CDC16: variants seen among roughly 807,000 people sequenced by gnomAD.
CDC16 encodes cell division cycle 16.
CDC16 carries 34 observed loss-of-function variants against 87.0 expected under a neutral mutation model. The ratio of observed to expected loss-of-function variants is 0.39; its 90% confidence interval spans 0.30 to 0.52. The LOEUF (loss-of-function observed/expected upper bound fraction) is 0.52. Among genes scored for constraint, CDC16 ranks in the 20% least tolerant of loss-of-function variants. The probability of loss-of-function intolerance (pLI) is 0.74; values close to 1 mark genes in which losing one functional copy is unlikely to be tolerated. For missense variants in CDC16, 653 were observed against 751.9 expected (o/e 0.87, Z 1.54); for synonymous variants, 263 against 260.6 (o/e 1.01, Z -0.09).
chr13:114,245,076 A>G, intron 9 of CDC16, 107 bp downstream of exon 9: 1 of 594,644 alleles, frequency 1.7e-6, no homozygotes, highest in Non-Finnish European at 2.9e-6. Context: ...TGCAGGTAAC[A>G]ACATAATGGA....
intron 4 of CDC16, 115 bp downstream of exon 4, chr13:114,239,143 A>T: frequency 6.8e-7 from 1 of 1,480,234 alleles, no homozygotes; most frequent in Non-Finnish European, 9.2e-7. Flanking sequence ...AAAGTATTTC[A>T]TGAGGAAGTG....
At chr13:114,239,078 T>C in intron 4 of CDC16, 50 bp downstream of exon 4, 2 of 1,584,680 alleles carry the variant, frequency 1.3e-6, no homozygotes, top group Non-Finnish European at 1.7e-6. Flanking sequence ...AAATGAGTGT[T>C]ATGCATCTCT....
At chr13:114,243,131 A>G in intron 6 of CDC16, 126 bp from the exon 7 acceptor site, 1 of 587,170 alleles carries the variant, frequency 1.7e-6, no homozygotes. Context: ...GCACATTTTG[A>G]TCTTATGTTC....
At chr13:114,239,565 T>A (rs2081441128) in intron 5 of CDC16, 75 bp downstream of exon 5, 1 of 1,384,986 alleles carries the variant, frequency 7.2e-7, no homozygotes, top group Non-Finnish European at 9.4e-7. Flanking sequence ...ACACATTATC[T>A]TCTTTTACTT....
chr13:114,263,753 C>T lies in CDC16; in HGVS notation c.1512+739C>T, dbSNP rs192545397. ...CTGCTTTCCAACTCTCTCTCTCTCT[C>T]GTCCCTCTCAGTCTGCTAAAGTGTC... On this transcript the variant is annotated intron_variant, in intron 16 of 17. Transcript: ENST00000356221. Among the ~76,000 whole-genome samples, 23 of 152,290 alleles carry T rather than the reference C, an allele frequency of 1.5e-4. No homozygotes were observed. The East Asian group carries it at 3.9e-3, about 26-fold the overall frequency.
intron 17 of CDC16, among the ~76,000 whole-genome samples, chr13:114,267,937 G>C (rs971351349): frequency 1.3e-5 from 2 of 152,188 alleles, no homozygotes; most frequent in Non-Finnish European, 2.9e-5. Flanking sequence ...AGTTACCAAG[G>C]AGCAATTAGG....
chr13:114,248,535 GCTGGACATGGTGGCATGCAC>G (rs780121963), intron 11 of CDC16, among the ~76,000 whole-genome samples: 3 of 152,122 alleles, frequency 2.0e-5, no homozygotes, highest in Non-Finnish European at 2.9e-5. Flanking sequence ...AAAAAAATCA[GCTGGACATGGTGGCATGCAC>G]CTGTAATCCC....
chr13:114,250,211 G>A (rs940039016), intron 11 of CDC16, among the ~76,000 whole-genome samples: 13 of 151,894 alleles, frequency 8.6e-5, no homozygotes, highest in African/African-American at 3.1e-4. Context: ...ATAATAAATA[G>A]GCTGGGCGCA....
chr13:114,244,276 T>G (rs2081725566), intron 8 of CDC16, among the ~76,000 whole-genome samples: 1 of 152,188 alleles, frequency 6.6e-6, no homozygotes, highest in Non-Finnish European at 1.5e-5. Context: ...CATTGTTTTG[T>G]AAAATTTATT....
intron 11 of CDC16, among the ~76,000 whole-genome samples, chr13:114,249,652 C>T (rs986446586): frequency 1.3e-5 from 2 of 152,126 alleles, no homozygotes; most frequent in South Asian, 2.1e-4. Context: ...GTCCCTGTAA[C>T]CAGGGTATAT....
intron 14 of CDC16, among the ~76,000 whole-genome samples, 169 bp from the exon 15 acceptor site, chr13:114,261,718 A>G (rs1424212272): frequency 6.6e-6 from 1 of 152,166 alleles, no homozygotes; most frequent in African/African-American, 2.4e-5. Context: ...GTCTCCTAGT[A>G]GGAAAGAAAG....
intron 17 of CDC16, among the ~76,000 whole-genome samples, chr13:114,265,736 G>A: frequency 6.6e-6 from 1 of 152,188 alleles, no homozygotes. Flanking sequence ...TAAACATTAT[G>A]TGATAAGGAG....
chr13:114,247,576 A>G (rs1190752810), intron 11 of CDC16, among the ~76,000 whole-genome samples: 3 of 152,000 alleles, frequency 2.0e-5, no homozygotes, highest in African/African-American at 7.2e-5. Context: ...TACATATTTT[A>G]TTTATTAATG....
Position 114,257,206 on chromosome 13 carries a change from G to T in CDC16, c.1226G>T (p.Gly409Val), listed in dbSNP as rs2082551508. The stretch of plus-strand genomic sequence containing the variant: ...GACCCTTTTGTTATGCATGAGGTCG[G>T]CGTGGTTGCATTTCAGAATGGAGAG... ...PEDPFVMHEV[G>V]VVAFQNGEWK... The change falls in exon 13 of 18, where the codon GGC (glycine) becomes GTC (valine). Residue 409 changes from glycine (G) to valine (V), a missense_variant. By Grantham distance (109) the Gly-to-Val change is moderately radical. Coordinates refer to ENST00000356221, the MANE Select transcript of CDC16 (RefSeq NM_001078645.3). 6.2e-7 allele frequency: 1 copy of T among 1,610,822 alleles called. No homozygotes were observed. The highest frequency in any genetic ancestry group is 1.7e-5 in the Admixed American group (1 of 59,842).
intron 8 of CDC16, 154 bp from the exon 9 acceptor site, chr13:114,244,736 T>C (rs1359179706): frequency 4.4e-6 from 2 of 454,708 alleles, no homozygotes; most frequent in African/African-American, 4.0e-5. Context: ...TGGCCTTAAC[T>C]GAATCAACCT....
At chr13:114,270,914 CTTTTTTT>C (rs571053869) in intron 17 of CDC16, among the ~76,000 whole-genome samples, 60 of 101,142 alleles carry the variant, frequency 5.9e-4, no homozygotes, top group Non-Finnish European at 1.0e-3. Flanking sequence ...AGAGATTTAC[CTTTTTTT>C]TTTTTTTTTT....
intron 14 of CDC16, among the ~76,000 whole-genome samples, chr13:114,260,685 C>T (rs746957209): frequency 1.3e-5 from 2 of 152,124 alleles, no homozygotes; most frequent in Non-Finnish European, 2.9e-5. Flanking sequence ...TGTCAAAATG[C>T]TCATTAAAAA....
chr13:114,234,996 C>A lies in CDC16; in HGVS notation c.-89C>A. On this transcript the variant is annotated 5_prime_UTR_variant, in exon 1 of 18. Coordinates refer to ENST00000356221, the MANE Select transcript of CDC16 (RefSeq NM_001078645.3). ...CTGGGGCGGCGGCGGCGGCTGCAGG[C>A]ACGGGCACGGGCACGGGGCGGGGTG... 2 of 1,082,650 alleles carry A rather than the reference C, an allele frequency of 1.8e-6. No individual in the cohort carries two copies. Among genetic ancestry groups the A allele is most frequent in the Non-Finnish European group, 2.4e-6 (2 of 849,436 alleles). The allele number at this position is 1,082,650 out of a possible 1,614,324, so 67.1% of individuals were successfully genotyped here.
chr13:114,243,159 A>T, intron 6 of CDC16, 98 bp from the exon 7 acceptor site: 1 of 672,450 alleles, frequency 1.5e-6, no homozygotes, highest in Non-Finnish European at 2.7e-6. Flanking sequence ...AGTTTGATTT[A>T]CTTAGACCAA....
Sources: gnomAD v4.1 joint callset for allele counts (sites outside exome capture counted in the v4.1 genomes callset) on GRCh38, gnomAD v4.1.1 for gene constraint, MANE v1.5 for transcripts, NCBI Gene and HGNC (gene_info 2026-07-23, HGNC 2026-07-21) for gene names.